Variants in RFX3 observed in about 807,000 individuals in gnomAD.
RFX3 encodes the protein transcription factor RFX3.
Under a neutral mutation model 98.6 loss-of-function variants are expected in RFX3, and 14 were observed. The observed-to-expected ratio is 0.14, with a 90% CI of 0.09 to 0.22. The LOEUF is 0.22. Among genes scored for constraint, RFX3 ranks in the 10% least tolerant of loss-of-function variants. The probability of loss-of-function intolerance (pLI) is 1.00; values close to 1 mark genes in which losing one functional copy is unlikely to be tolerated. For synonymous variants in RFX3, 383 were observed against 328.4 expected (o/e 1.17, Z -1.80); for missense variants, 639 against 926.9 (o/e 0.69, Z 4.03).
At chr9:3,525,145 A>T in intron 1 of RFX3, among the ~76,000 whole-genome samples, 1 of 152,134 alleles carries the variant, frequency 6.6e-6, no homozygotes, top group East Asian at 1.9e-4. Flanking sequence ...AAAGAGGGGC[A>T]AAAATGAAGG....
chr9:3,481,397 C>A (rs1849745243), intron 1 of RFX3, among the ~76,000 whole-genome samples: 1 of 151,982 alleles, frequency 6.6e-6, no homozygotes, highest in Admixed American at 6.6e-5. Flanking sequence ...GCTATTAAAA[C>A]TGTAATCATA....
chr9:3,368,214 C>A (rs1587353394), intron 2 of RFX3, among the ~76,000 whole-genome samples: 1 of 151,940 alleles, frequency 6.6e-6, no homozygotes, highest in Non-Finnish European at 1.5e-5. Flanking sequence ...GAAATCCAAA[C>A]TGATATATAG....
intron 1 of RFX3, among the ~76,000 whole-genome samples, chr9:3,489,837 G>A (rs564554504): frequency 6.6e-6 from 1 of 152,164 alleles, no homozygotes; most frequent in South Asian, 2.1e-4. Context: ...CATTATTGGA[G>A]TTCCAGTGCT....
At chr9:3,358,928 G>A (rs1014976995) in intron 2 of RFX3, among the ~76,000 whole-genome samples, 3 of 151,968 alleles carry the variant, frequency 2.0e-5, no homozygotes, top group Non-Finnish European at 4.4e-5. Flanking sequence ...CATGGGAACA[G>A]CATGGGGGAA....
Position 3,457,546 on chromosome 9 carries a change from C to T in RFX3, c.-8-61950G>A, listed in dbSNP as rs185308218. 2.1e-3 allele frequency among the ~76,000 whole-genome samples: 316 copies of T among 152,228 alleles called. 2 individuals are homozygous for T. The highest frequency in any genetic ancestry group is 7.3e-3 in the African/African-American group (304 of 41,552). On this transcript the variant is annotated intron_variant, in intron 1 of 16. Coordinates refer to ENST00000617270, the MANE Select transcript of RFX3 (RefSeq NM_001282116.2). ...TGCACTATCCAGTATTACATCTGTC[C>T]CAACCAGTAGTTTGTTCTTTTATTA...
In RFX3 at chr9:3,415,480, C is replaced by A. The variant is rs78240782; in HGVS notation, c.-8-19884G>T. On this transcript the variant is annotated intron_variant, in intron 1 of 16. Transcript: ENST00000617270. ...TTAAGAATAAAACTAACAAGACCCA[C>A]ATCCACTATAAATTCAATAAAGTAT... 4.1e-3 allele frequency among the ~76,000 whole-genome samples: 620 copies of A among 152,144 alleles called. 1 individual carries two copies. The highest frequency in any genetic ancestry group is 0.014 in the African/African-American group (585 of 41,514).
At chr9:3,282,524 CATTT>C (rs2131505709) in intron 7 of RFX3, among the ~76,000 whole-genome samples, 1 of 151,862 alleles carries the variant, frequency 6.6e-6, no homozygotes, top group African/African-American at 2.4e-5. Flanking sequence ...GTCATTCATT[CATTT>C]AACAAATATT....
At position 3,433,782 on chromosome 9, in the gene RFX3, G is replaced by T. The variant is rs538363349; in HGVS notation, c.-8-38186C>A. 1.4e-4 allele frequency among the ~76,000 whole-genome samples: 21 copies of T among 152,274 alleles called. 1 individual carries two copies. The East Asian group carries it at 4.1e-3, about 29-fold the overall frequency. ...GTTTACGGACTAGAACAAAGGGTGG[G>T]ACACTAAGTCTGTAAAGGGCCAAGT... On this transcript the variant is annotated intron_variant, in intron 1 of 16. Transcript: ENST00000617270.
chr9:3,440,373 G>C (rs773133368), intron 1 of RFX3, among the ~76,000 whole-genome samples: 2 of 151,932 alleles, frequency 1.3e-5, no homozygotes, highest in Non-Finnish European at 2.9e-5. Flanking sequence ...ATCACTACAA[G>C]AACTAGTGAG....
intron 1 of RFX3, among the ~76,000 whole-genome samples, chr9:3,427,049 T>A (rs1587638387): frequency 6.6e-6 from 1 of 151,934 alleles, no homozygotes; most frequent in South Asian, 2.1e-4. Flanking sequence ...ACAATTTGTT[T>A]GTTTAAGTCC....
chr9:3,349,840 A>T (rs540026158), intron 2 of RFX3, among the ~76,000 whole-genome samples: 44 of 152,186 alleles, frequency 2.9e-4, no homozygotes, highest in African/African-American at 9.9e-4. Flanking sequence ...ATGACATAAA[A>T]TAAAAAAGGA....
intron 4 of RFX3, among the ~76,000 whole-genome samples, chr9:3,322,647 C>T (rs528761999): frequency 1.2e-4 from 19 of 152,152 alleles, no homozygotes; most frequent in African/African-American, 4.3e-4. Flanking sequence ...ATAGGAGAAT[C>T]GCTTGAACCC....
At chr9:3,268,865 A>G (rs1275327218) in intron 11 of RFX3, among the ~76,000 whole-genome samples, 5 of 152,010 alleles carry the variant, frequency 3.3e-5, no homozygotes, top group Non-Finnish European at 7.4e-5. Flanking sequence ...GCCTCAAAAA[A>G]GAAAGTACTT....
intron 2 of RFX3, chr9:3,364,317 A>C (rs1177905680): frequency 6.5e-6 from 1 of 153,420 alleles, no homozygotes; most frequent in African/African-American, 2.4e-5. Context: ...AAAAATAATC[A>C]TGGGATACAC....
intron 1 of RFX3, among the ~76,000 whole-genome samples, chr9:3,504,287 A>C (rs202096799): frequency 2.0e-5 from 2 of 100,128 alleles, no homozygotes; most frequent in East Asian, 1.1e-3. Flanking sequence ...ATAACATATA[A>C]AATATATATT....
intron 1 of RFX3, among the ~76,000 whole-genome samples, chr9:3,449,367 C>T (rs564099386): frequency 2.0e-4 from 30 of 152,286 alleles, no homozygotes; most frequent in African/African-American, 7.2e-4. Flanking sequence ...CTCTGCCTCA[C>T]ACAGTTTTTC....
At chr9:3,521,020 G>T (rs927974979) in intron 1 of RFX3, among the ~76,000 whole-genome samples, 8 of 152,042 alleles carry the variant, frequency 5.3e-5, no homozygotes, top group Non-Finnish European at 1.2e-4. Context: ...TTATGAATTA[G>T]CCTGATAACC....
In RFX3 at chr9:3,524,829, A is replaced by G. The variant is rs1390902935; in HGVS notation, c.-9+918T>C. Among the ~76,000 whole-genome samples the G allele has an allele frequency of 0.019, 29 of 1,512 alleles. 1 individual carries two copies. The East Asian group carries it at 0.25, about 13-fold the overall frequency. 1.0% of individuals were successfully genotyped at this position (1,512 alleles called of 152,430 possible). On this transcript the variant is annotated intron_variant, in intron 1 of 16. Transcript: ENST00000617270. ...CCTGCATCCGGTTTAAATCACAAGC[A>G]CACACACACACACACACACACACAC...
chr9:3,395,538 T>G lies in RFX3; in HGVS notation c.51A>C (p.Gln17His). 6.2e-7 allele frequency: 1 copy of G among 1,614,146 alleles called. No homozygotes were observed. The highest frequency in any genetic ancestry group is 8.5e-7 in the Non-Finnish European group (1 of 1,179,992). ...CTGCTGCTTGACTAGCCACAGATGT[T>G]TGTAAGGTCACTGTCGAGCCTGTGT... The part of the protein sequence containing the change: ...GSDTGSTVTL[Q>H]TSVASQAAVP... Residue 17 changes from glutamine (Q) to histidine (H), a missense_variant, in exon 2 of 17, where the codon CAA (glutamine) becomes CAC (histidine). Gln to His is a conservative substitution (Grantham distance 24). Coordinates refer to ENST00000617270, the MANE Select transcript of RFX3 (RefSeq NM_001282116.2).
Sources: allele counts gnomAD v4.1 joint callset (sites outside exome capture counted in the v4.1 genomes callset), GRCh38; gene constraint gnomAD v4.1.1; transcripts MANE v1.5; gene names NCBI Gene and HGNC (gene_info 2026-07-23, HGNC 2026-07-21).